Variants in TSC22D1 observed in about 807,000 individuals in gnomAD.
The protein encoded by TSC22D1 is TSC22 domain family member 1.
Under a neutral mutation model 74.2 loss-of-function variants are expected in TSC22D1, and 9 were observed. The observed-to-expected ratio is 0.12, with a 90% CI of 0.07 to 0.21. The LOEUF (loss-of-function observed/expected upper bound fraction) is 0.21. TSC22D1 is among the 10% of genes least tolerant of loss of function. The pLI is 1.00. For synonymous variants in TSC22D1, 586 were observed against 492.5 expected, an observed-to-expected ratio of 1.19 and a Z score of -2.51; for missense variants, 1,427 against 1,304.7, an observed-to-expected ratio of 1.09 and a Z score of -1.44.
intron 1 of TSC22D1, among the ~76,000 whole-genome samples, chr13:44,484,276 T>A (rs1213330197): frequency 2.0e-5 from 3 of 152,100 alleles, no homozygotes. Flanking sequence ...CTAAAAAAAA[T>A]CCCTCAAAAA....
chr13:44,434,160 A>C lies in TSC22D1; in HGVS notation c.*466T>G, dbSNP rs1205499630. ...TGTACAGTGAACTCTGTTCCCCCTC[A>C]TTTTAGTCTTTTTACCCTCCTTTCA... is the stretch of plus-strand genomic sequence containing the variant. On this transcript the variant is annotated 3_prime_UTR_variant, in exon 3 of 3. Coordinates refer to ENST00000458659, the MANE Select transcript of TSC22D1 (RefSeq NM_183422.4). The C allele has an allele frequency of 1.4e-6, 2 of 1,478,726 alleles. No homozygotes were observed. The highest frequency in any genetic ancestry group is 2.6e-5 in the East Asian group (1 of 38,332). The allele number at this position is 1,478,726 out of a possible 1,614,324, so 91.6% of individuals were successfully genotyped here. A position where few individuals can be genotyped will look rare whatever the true frequency, so the allele number is the denominator to read the frequency against.
At chr13:44,450,679 G>A (rs961379743) in intron 1 of TSC22D1, among the ~76,000 whole-genome samples, 5 of 152,204 alleles carry the variant, frequency 3.3e-5, no homozygotes, top group African/African-American at 1.2e-4. Flanking sequence ...GATGCCATTA[G>A]CCAGAATAAG....
chr13:44,505,158 G>C (rs1414375296), intron 1 of TSC22D1, among the ~76,000 whole-genome samples: 1 of 152,206 alleles, frequency 6.6e-6, no homozygotes, highest in Non-Finnish European at 1.5e-5. Flanking sequence ...GTCAAGCACA[G>C]TGGCTCATGC....
Position 44,470,988 on chromosome 13 carries a change from A to C in TSC22D1, c.2913-34893T>G, listed in dbSNP as rs183417097. ...ATAAGTTATATTCTACTGCTTAAGA[A>C]ATCAGGAAATGTGAAATATAGTTTA... On this transcript the variant is annotated intron_variant, in intron 1 of 2. Transcript: ENST00000458659. 2.0e-5 allele frequency among the ~76,000 whole-genome samples: 3 copies of C among 152,358 alleles called. No homozygotes were observed. The East Asian group carries it at 5.8e-4, about 29-fold the overall frequency.
intron 1 of TSC22D1, among the ~76,000 whole-genome samples, chr13:44,544,543 TA>T (rs749524284): frequency 0.023 from 3,033 of 131,662 alleles, 67 homozygotes; most frequent in African/African-American, 0.068. Flanking sequence ...TTTTTTTAAT[TA>T]AAAAAAAAAA....
chr13:44,456,237 G>T (rs1025445479), intron 1 of TSC22D1, among the ~76,000 whole-genome samples: 1 of 152,220 alleles, frequency 6.6e-6, no homozygotes, highest in Admixed American at 6.5e-5. Flanking sequence ...TTCCACGGCG[G>T]AGAAGAAGAC....
chr13:44,456,262 G>A (rs1295529133), intron 1 of TSC22D1, among the ~76,000 whole-genome samples: 1 of 152,210 alleles, frequency 6.6e-6, no homozygotes, highest in Non-Finnish European at 1.5e-5. Flanking sequence ...GCGGGTTGCT[G>A]CTGCTGGCTG....
At chr13:44,473,022 T>A (rs1877697718) in intron 1 of TSC22D1, among the ~76,000 whole-genome samples, 1 of 152,222 alleles carries the variant, frequency 6.6e-6, no homozygotes, top group African/African-American at 2.4e-5. Flanking sequence ...CTTACATAGA[T>A]GGCAGTAGGC....
At chr13:44,565,103 C>T (rs1343401972) in intron 1 of TSC22D1, among the ~76,000 whole-genome samples, 2 of 152,124 alleles carry the variant, frequency 1.3e-5, no homozygotes, top group African/African-American at 4.8e-5. Context: ...AAGCAGATGA[C>T]TTTACCCGTC....
intron 1 of TSC22D1, among the ~76,000 whole-genome samples, chr13:44,465,482 T>C (rs1235228939): frequency 6.6e-6 from 1 of 152,180 alleles, no homozygotes; most frequent in Non-Finnish European, 1.5e-5. Flanking sequence ...ATGTTCAGGC[T>C]CATGCCTCAG....
intron 1 of TSC22D1, among the ~76,000 whole-genome samples, chr13:44,453,955 T>C (rs1406569936): frequency 2.0e-5 from 3 of 152,324 alleles, no homozygotes; most frequent in South Asian, 4.1e-4. Flanking sequence ...AATTCCTTTG[T>C]TTCATTACCC....
At chr13:44,511,729 A>AT (rs934648852) in intron 1 of TSC22D1, among the ~76,000 whole-genome samples, 7 of 151,920 alleles carry the variant, frequency 4.6e-5, no homozygotes, top group Non-Finnish European at 8.8e-5. Flanking sequence ...AGAATTTATG[A>AT]TTTTTTTTAA....
chr13:44,517,461 G>A (rs374247924), intron 1 of TSC22D1, among the ~76,000 whole-genome samples: 2 of 151,826 alleles, frequency 1.3e-5, no homozygotes, highest in African/African-American at 4.8e-5. Flanking sequence ...CAATTGGCAA[G>A]ACATATCAAT....
chr13:44,516,157 G>A (rs1879968607), intron 1 of TSC22D1, among the ~76,000 whole-genome samples: 1 of 152,050 alleles, frequency 6.6e-6, no homozygotes. Context: ...AGTATCCCCG[G>A]AATAATACAT....
rs1349894705 is a variant in TSC22D1, at chr13:44,523,934, G to A, written c.2912+49229C>T. ...TAGAAGGAAAGATAAAATACAAAAG[G>A]CAACAAATCTTTAGCAAAATATAAG... On this transcript the variant is annotated intron_variant, in intron 1 of 2. Coordinates refer to ENST00000458659, the MANE Select transcript of TSC22D1 (RefSeq NM_183422.4). Among the ~76,000 whole-genome samples the A allele has an allele frequency of 2.6e-5, 4 of 152,098 alleles. No homozygotes were observed. The East Asian group carries it at 7.7e-4, about 29-fold the overall frequency.
chr13:44,467,513 T>G (rs1435753153), intron 1 of TSC22D1, among the ~76,000 whole-genome samples: 1 of 151,660 alleles, frequency 6.6e-6, no homozygotes, highest in African/African-American at 2.4e-5. Context: ...AGGAATAATC[T>G]CCATAATCTA....
At chr13:44,508,599 AGG>A (rs1879545146) in intron 1 of TSC22D1, among the ~76,000 whole-genome samples, 1 of 152,190 alleles carries the variant, frequency 6.6e-6, no homozygotes, top group Non-Finnish European at 1.5e-5. Context: ...ATTTTTTTAA[AGG>A]CACATTAGAC....
intron 1 of TSC22D1, among the ~76,000 whole-genome samples, chr13:44,481,108 A>G (rs1878157864): frequency 6.6e-6 from 1 of 152,206 alleles, no homozygotes; most frequent in African/African-American, 2.4e-5. Context: ...ACAGAAGGAG[A>G]ACCAGAAGAG....
chr13:44,442,717 G>C (rs1595079925), intron 1 of TSC22D1, among the ~76,000 whole-genome samples: 1 of 152,034 alleles, frequency 6.6e-6, no homozygotes, highest in East Asian at 1.9e-4. Context: ...AGGAGTTTGA[G>C]ACAAGCCTGG....
Sources: gnomAD v4.1 joint callset for allele counts (sites outside exome capture counted in the v4.1 genomes callset) on GRCh38, gnomAD v4.1.1 for gene constraint, MANE v1.5 for transcripts, NCBI Gene and HGNC (gene_info 2026-07-23, HGNC 2026-07-21) for gene names.